TENM1: variants seen among roughly 807,000 people sequenced by gnomAD.
TENM1 encodes the protein teneurin-1.
In TENM1, 35 loss-of-function variants were observed where a neutral mutation model predicts 174.8. The observed-to-expected ratio is 0.20, with a 90% CI of 0.15 to 0.27. The LOEUF (loss-of-function observed/expected upper bound fraction) is 0.27. TENM1 is among the 10% of genes least tolerant of loss of function. The probability of loss-of-function intolerance (pLI) is 1.00; values close to 1 mark genes in which losing one functional copy is unlikely to be tolerated. For missense variants in TENM1, 1,633 were observed against 2,130.1 expected (o/e 0.77, Z 4.59); for synonymous variants, 781 against 798.7 (o/e 0.98, Z 0.37).
the TENM1 span, among the ~76,000 whole-genome samples, chrX:125,048,403 A>G: frequency 9.1e-6 from 1 of 110,244 alleles, no homozygotes; most frequent in Non-Finnish European, 1.9e-5. Context: ...CTGTAACTAC[A>G]GGCACAGGCC....
the TENM1 span, among the ~76,000 whole-genome samples, chrX:125,084,204 C>T: frequency 9.1e-6 from 1 of 110,022 alleles, no homozygotes; most frequent in Non-Finnish European, 1.9e-5. Context: ...ATATTATGCA[C>T]TGGCTACCAG....
intron 20 of TENM1, among the ~76,000 whole-genome samples, chrX:124,488,596 G>A (rs1018293003): frequency 2.7e-5 from 3 of 111,962 alleles, no homozygotes; most frequent in East Asian, 2.8e-4. Flanking sequence ...AGGCATTTAC[G>A]CCTCTTTCAA....
chrX:124,960,570 T>C (rs901383510), intron 1 of TENM1, among the ~76,000 whole-genome samples: 2 of 111,907 alleles, frequency 1.8e-5, no homozygotes, highest in Non-Finnish European at 3.8e-5. Context: ...AATGACATCA[T>C]AGAGACAAAC....
chrX:125,125,327 C>A, the TENM1 span, among the ~76,000 whole-genome samples: 1 of 111,906 alleles, frequency 8.9e-6, no homozygotes, highest in Admixed American at 9.5e-5. Context: ...TACATCTAAT[C>A]CAAATATGAT....
chrX:125,073,256 T>C, the TENM1 span, among the ~76,000 whole-genome samples: 11 of 111,272 alleles, frequency 9.9e-5, no homozygotes, highest in East Asian at 3.1e-3. Flanking sequence ...TTGTGAGGTG[T>C]AGTGTCTGTG....
intron 1 of TENM1, among the ~76,000 whole-genome samples, chrX:124,933,393 C>T (rs939548378): frequency 6.3e-5 from 7 of 111,946 alleles, no homozygotes; most frequent in African/African-American, 6.5e-5. Flanking sequence ...TCCATGAGTT[C>T]AAAGAGTATA....
chrX:125,080,360 G>A, the TENM1 span, among the ~76,000 whole-genome samples: 1 of 111,571 alleles, frequency 9.0e-6, no homozygotes, highest in Non-Finnish European at 1.9e-5. Flanking sequence ...TCTTTCCTTG[G>A]TCCTTTGGGA....
At chrX:124,634,712 T>C (rs372123945) in intron 11 of TENM1, among the ~76,000 whole-genome samples, 2 of 111,468 alleles carry the variant, frequency 1.8e-5, no homozygotes, top group Admixed American at 9.5e-5. Context: ...ACACGCAGAG[T>C]CATGTGAAAA....
the TENM1 span, among the ~76,000 whole-genome samples, chrX:124,999,195 A>G: frequency 0.018 from 1,974 of 111,199 alleles, 8 homozygotes; most frequent in East Asian, 0.065. Flanking sequence ...TGGTTCTAGT[A>G]TGTGTGTTCA....
At chrX:124,864,196 T>C (rs2147451178) in intron 3 of TENM1, among the ~76,000 whole-genome samples, 1 of 112,169 alleles carries the variant, frequency 8.9e-6, no homozygotes, top group Non-Finnish European at 1.9e-5. Flanking sequence ...CAACGAAGAA[T>C]ATTGATTAGC....
chrX:125,009,751 C>T, the TENM1 span, among the ~76,000 whole-genome samples: 2 of 111,870 alleles, frequency 1.8e-5, no homozygotes, highest in African/African-American at 6.5e-5. Flanking sequence ...TCAATGTAAT[C>T]CATCACATAA....
intron 3 of TENM1, among the ~76,000 whole-genome samples, chrX:124,765,773 A>G (rs1312327282): frequency 8.9e-6 from 1 of 111,879 alleles, no homozygotes. Context: ...CATTGTTTTA[A>G]CTATCTTTTA....
chrX:124,421,607 G>A (rs910519093), intron 24 of TENM1, among the ~76,000 whole-genome samples: 1 of 88,749 alleles, frequency 1.1e-5, no homozygotes, highest in Non-Finnish European at 2.4e-5. Context: ...GTTTTGGGGA[G>A]AAGGCTCTTT....
At chrX:125,145,005 C>T in the TENM1 span, among the ~76,000 whole-genome samples, 1 of 111,141 alleles carries the variant, frequency 9.0e-6, no homozygotes, top group Non-Finnish European at 1.9e-5. Context: ...ACCTCAGCCT[C>T]CCAAAGTGCT....
chrX:125,184,180 T>A, the TENM1 span, among the ~76,000 whole-genome samples: 4 of 112,003 alleles, frequency 3.6e-5, no homozygotes, highest in East Asian at 1.1e-3. Context: ...GTGCATTCTT[T>A]GGGTCTGTCA....
intron 3 of TENM1, among the ~76,000 whole-genome samples, chrX:124,741,444 C>T (rs964259627): frequency 1.8e-5 from 2 of 111,219 alleles, no homozygotes; most frequent in African/African-American, 6.6e-5. Context: ...TTCTGCAATT[C>T]ACTGCACTAT....
intron 1 of TENM1, among the ~76,000 whole-genome samples, chrX:124,921,387 C>A (rs2058019944): frequency 1.8e-5 from 2 of 110,668 alleles, no homozygotes; most frequent in African/African-American, 3.3e-5. Flanking sequence ...AAAAAACTTT[C>A]CATTTATTTT....
intron 11 of TENM1, among the ~76,000 whole-genome samples, chrX:124,570,243 A>G (rs182837737): frequency 9.0e-6 from 1 of 111,639 alleles, no homozygotes; most frequent in African/African-American, 3.2e-5. Context: ...CCAGTCTCAG[A>G]TGACTTCATT....
intron 12 of TENM1, among the ~76,000 whole-genome samples, chrX:124,564,282 A>C (rs2048893473): frequency 8.9e-6 from 1 of 112,264 alleles, no homozygotes; most frequent in African/African-American, 3.2e-5. Flanking sequence ...TTGCAGAACA[A>C]GACTTACTGT....
Sources: gnomAD v4.1 joint callset for allele counts (sites outside exome capture counted in the v4.1 genomes callset) on GRCh38, gnomAD v4.1.1 for gene constraint, MANE v1.5 for transcripts, NCBI Gene and HGNC (gene_info 2026-07-23, HGNC 2026-07-21) for gene names.